The following KLHL32 variants were observed in gnomAD, a reference collection of about 807,000 sequenced individuals.
KLHL32 encodes kelch-like protein 32.
Under a neutral mutation model 64.8 loss-of-function variants are expected in KLHL32, and 35 were observed. That is an observed-to-expected ratio of 0.54 (90% CI 0.41 to 0.72). The LOEUF (loss-of-function observed/expected upper bound fraction) is 0.72, where lower values mean the gene tolerates loss of function less well. Ranked by LOEUF, KLHL32 falls within the 30% of genes least tolerant of loss-of-function variation. The pLI, the probability that KLHL32 is intolerant of heterozygous loss-of-function variation, is 0.00. For synonymous variants in KLHL32, 259 were observed against 281.0 expected (o/e 0.92, Z 0.78); for missense variants, 589 against 768.5 (o/e 0.77, Z 2.76).
At position 97,114,115 on chromosome 6, in the gene KLHL32, A is replaced by G. The variant is rs757996893; in HGVS notation, c.960A>G (p.Ile320Met). 1 of 1,614,206 alleles carries G rather than the reference A, an allele frequency of 6.2e-7. No individual in the cohort carries two copies. The highest frequency in any genetic ancestry group is 8.5e-7 in the Non-Finnish European group (1 of 1,180,034). The change falls in exon 7 of 11, where the codon ATA (isoleucine) becomes ATG (methionine). Residue 320 changes from isoleucine (I) to methionine (M), a missense_variant. Around this residue, in one of 3 missense-constraint regions of KLHL32, gnomAD observed 226 missense variants for 353.2 expected, o/e 0.64. Coordinates refer to ENST00000369261, the MANE Select transcript of KLHL32 (RefSeq NM_052904.4). The part of the protein sequence containing the change: ...FNPVDQENAL[I>M]AAIANWSELA... ...CTGTTGATCAGGAGAATGCTCTCAT[A>G]GCTGCCATTGCCAACTGGAGTGAGC...
intron 6 of KLHL32, among the ~76,000 whole-genome samples, chr6:97,087,389 C>T (rs1793574340): frequency 6.6e-6 from 1 of 152,074 alleles, no homozygotes; most frequent in Non-Finnish European, 1.5e-5. Context: ...ATTGGGTATG[C>T]CAGAGGATTA....
intron 6 of KLHL32, among the ~76,000 whole-genome samples, chr6:97,095,103 A>G (rs1279586967): frequency 6.6e-6 from 1 of 152,228 alleles, no homozygotes; most frequent in Admixed American, 6.5e-5. Flanking sequence ...TAAATTGACT[A>G]TAAGTCAGCC....
chr6:96,941,392 A>T (rs1283270399), intron 1 of KLHL32, among the ~76,000 whole-genome samples: 2 of 152,224 alleles, frequency 1.3e-5, no homozygotes, highest in Non-Finnish European at 2.9e-5. Context: ...TTTAAGAGAT[A>T]TCATGATTCT....
intron 5 of KLHL32, among the ~76,000 whole-genome samples, chr6:97,066,879 T>C (rs894342797): frequency 9.9e-5 from 15 of 152,222 alleles, no homozygotes; most frequent in African/African-American, 3.1e-4. Flanking sequence ...TATATAAAAA[T>C]AATATTTTAT....
At chr6:97,020,507 T>C (rs1196339608) in intron 3 of KLHL32, among the ~76,000 whole-genome samples, 1 of 150,764 alleles carries the variant, frequency 6.6e-6, no homozygotes, top group Non-Finnish European at 1.5e-5. Context: ...TGGGCCTAGA[T>C]TTTTTTCCTA....
intron 3 of KLHL32, among the ~76,000 whole-genome samples, chr6:96,994,049 G>A (rs1021422896): frequency 1.3e-5 from 2 of 152,190 alleles, no homozygotes; most frequent in Non-Finnish European, 2.9e-5. Context: ...ATACTACTCT[G>A]TCTTCCAAGG....
At chr6:96,957,964 T>C (rs923210210) in intron 1 of KLHL32, among the ~76,000 whole-genome samples, 7 of 152,212 alleles carry the variant, frequency 4.6e-5, no homozygotes, top group African/African-American at 1.4e-4. Flanking sequence ...CATTGTACTT[T>C]TACTTTATCT....
intron 2 of KLHL32, among the ~76,000 whole-genome samples, chr6:96,971,853 A>AT (rs1554208073): frequency 6.6e-6 from 1 of 151,752 alleles, no homozygotes; most frequent in Non-Finnish European, 1.5e-5. Flanking sequence ...GTAAAAAAAA[A>AT]TTTTTTTTCT....
chr6:97,138,983 C>A, intron 10 of KLHL32, 138 bp from the exon 11 acceptor site: 1 of 757,242 alleles, frequency 1.3e-6, no homozygotes, highest in Non-Finnish European at 2.1e-6. Flanking sequence ...TAGTACCATC[C>A]AAGCAAGAAA....
intron 6 of KLHL32, among the ~76,000 whole-genome samples, chr6:97,106,598 C>G (rs113158674): frequency 6.6e-6 from 1 of 151,988 alleles, no homozygotes; most frequent in African/African-American, 2.4e-5. Flanking sequence ...CAAAAAATAG[C>G]TGGGTGGTAA....
chr6:96,952,699 A>G (rs1243344483), intron 1 of KLHL32, among the ~76,000 whole-genome samples: 4 of 152,254 alleles, frequency 2.6e-5, no homozygotes, highest in Non-Finnish European at 5.9e-5. Context: ...TTGCCTTTCT[A>G]TAATCATTTA....
chr6:97,023,284 T>G (rs1278650129), intron 3 of KLHL32, among the ~76,000 whole-genome samples: 1 of 152,228 alleles, frequency 6.6e-6, no homozygotes, highest in Non-Finnish European at 1.5e-5. Flanking sequence ...CAAAAGATCT[T>G]TCCCCTCTGG....
chr6:97,029,522 G>A (rs935867961), intron 3 of KLHL32, among the ~76,000 whole-genome samples: 3 of 152,154 alleles, frequency 2.0e-5, no homozygotes, highest in Non-Finnish European at 2.9e-5. Context: ...TTTATTCTCT[G>A]ACAGTATTAT....
chr6:96,910,631 T>G, the KLHL32 span, among the ~76,000 whole-genome samples: 1 of 152,296 alleles, frequency 6.6e-6, no homozygotes, highest in Admixed American at 6.5e-5. Flanking sequence ...AAGTTTAAAA[T>G]TTTTGTTGAT....
At chr6:97,126,710 A>G (rs1367850166) in intron 7 of KLHL32, among the ~76,000 whole-genome samples, 1 of 152,196 alleles carries the variant, frequency 6.6e-6, no homozygotes, top group Non-Finnish European at 1.5e-5. Flanking sequence ...TGGCTTTTGA[A>G]GACTTAGTAT....
chr6:96,975,421 A>C (rs1476781983), intron 2 of KLHL32, among the ~76,000 whole-genome samples: 1 of 152,176 alleles, frequency 6.6e-6, no homozygotes, highest in Non-Finnish European at 1.5e-5. Context: ...GTTTAATAAT[A>C]AGCTTCTCTG....
At chr6:97,105,914 T>C (rs1796351453) in intron 6 of KLHL32, among the ~76,000 whole-genome samples, 1 of 152,224 alleles carries the variant, frequency 6.6e-6, no homozygotes. Context: ...TAAAGACAGT[T>C]CTATGGAAGA....
At chr6:97,050,049 C>T (rs1195911424) in intron 4 of KLHL32, among the ~76,000 whole-genome samples, 1 of 152,168 alleles carries the variant, frequency 6.6e-6, no homozygotes, top group East Asian at 1.9e-4. Context: ...TCAGAATGTG[C>T]TCAGAGTCTA....
intron 6 of KLHL32, among the ~76,000 whole-genome samples, chr6:97,089,241 A>G (rs566227188): frequency 1.3e-5 from 2 of 152,356 alleles, no homozygotes; most frequent in Admixed American, 6.5e-5. Context: ...AACAAGAAGG[A>G]TATTTAAAAA....
Sources: gnomAD v4.1 joint callset for allele counts (sites outside exome capture counted in the v4.1 genomes callset) on GRCh38, gnomAD v4.1.1 for gene constraint, gnomAD v4.1.1 regional missense constraint, MANE v1.5 for transcripts, NCBI Gene and HGNC (gene_info 2026-07-23, HGNC 2026-07-21) for gene names.